NDST3: variants seen among roughly 807,000 people sequenced by gnomAD.
The protein encoded by NDST3 is N-deacetylase and N-sulfotransferase 3, also known as bifunctional heparan sulfate N-deacetylase/N-sulfotransferase 3.
In NDST3, 58 loss-of-function variants were observed where a neutral mutation model predicts 96.1. The observed-to-expected ratio is 0.60, with a 90% CI of 0.49 to 0.75. NDST3 has a LOEUF of 0.75. Ranked by LOEUF, NDST3 falls within the 30% of genes least tolerant of loss-of-function variation. NDST3 has a pLI of 0.00. For synonymous variants in NDST3, 333 were observed against 359.7 expected (o/e 0.93, Z 0.84); for missense variants, 788 against 1,034.2 (o/e 0.76, Z 3.27).
chr4:118,146,293 C>T (rs1181658882), intron 6 of NDST3, among the ~76,000 whole-genome samples: 1 of 152,078 alleles, frequency 6.6e-6, no homozygotes, highest in Admixed American at 6.6e-5. Context: ...ATTAGAAGTG[C>T]CATTTTCTGA....
intron 4 of NDST3, among the ~76,000 whole-genome samples, chr4:118,132,431 G>A (rs1002868876): frequency 7.2e-5 from 11 of 152,100 alleles, no homozygotes; most frequent in African/African-American, 2.4e-4. Flanking sequence ...TGTGGTGAAT[G>A]CTGCCTGGCC....
At chr4:118,156,410 C>T (rs1350370743) in intron 6 of NDST3, among the ~76,000 whole-genome samples, 1 of 152,192 alleles carries the variant, frequency 6.6e-6, no homozygotes, top group Non-Finnish European at 1.5e-5. Flanking sequence ...TCTTTACCTT[C>T]CAGTAATTTT....
chr4:118,131,446 C>T (rs1027100595), intron 4 of NDST3, among the ~76,000 whole-genome samples: 26 of 152,004 alleles, frequency 1.7e-4, no homozygotes, highest in Admixed American at 3.9e-4. Flanking sequence ...GATTCTTTCT[C>T]ATTATTTCAA....
chr4:118,144,425 C>T (rs1429323080), intron 6 of NDST3, among the ~76,000 whole-genome samples: 2 of 152,198 alleles, frequency 1.3e-5, no homozygotes, highest in Non-Finnish European at 2.9e-5. Flanking sequence ...TGTGATCTGC[C>T]TGCCTCAGCC....
At chr4:118,251,312 G>C (rs1177631143) in intron 12 of NDST3, among the ~76,000 whole-genome samples, 1 of 151,324 alleles carries the variant, frequency 6.6e-6, no homozygotes, top group Non-Finnish European at 1.5e-5. Flanking sequence ...ATTTTTAGTA[G>C]AGATGGGGTT....
intron 2 of NDST3, among the ~76,000 whole-genome samples, chr4:118,091,613 T>C (rs1486637863): frequency 6.6e-6 from 1 of 151,682 alleles, no homozygotes; most frequent in Non-Finnish European, 1.5e-5. Context: ...GATTCTCTAC[T>C]CAGGTTCTGG....
chr4:118,144,087 A>C (rs1733766784), intron 6 of NDST3, among the ~76,000 whole-genome samples: 1 of 152,114 alleles, frequency 6.6e-6, no homozygotes, highest in Non-Finnish European at 1.5e-5. Flanking sequence ...AAAATAGTAG[A>C]GGAATTAGGT....
chr4:118,148,409 C>T (rs950756670), intron 6 of NDST3, among the ~76,000 whole-genome samples: 2 of 152,306 alleles, frequency 1.3e-5, no homozygotes, highest in African/African-American at 4.8e-5. Flanking sequence ...CCCACAGAAC[C>T]ATTAGCTAAC....
rs766364702 is a variant in NDST3 at position 118,224,613 on chromosome 4, A to G, written c.1662A>G (p.Pro554=). ...ACCTGCGACTTCAGACTCTGCCTCC[A>G]GTACAACTGGCCCACAAGTATTTTG... ...WTNLRLQTLP[P]VQLAHKYFEL... is the part of the protein sequence containing the mutation. The change falls in exon 7 of 14, where the codon CCA becomes CCG. Residue 554 remains proline (P), a synonymous_variant. Coordinates refer to ENST00000296499, the MANE Select transcript of NDST3 (RefSeq NM_004784.3). 1.9e-6 allele frequency: 3 copies of G among 1,612,088 alleles called. No individual in the cohort carries two copies. Among genetic ancestry groups the G allele is most frequent in the Non-Finnish European group, 2.5e-6 (3 of 1,178,926 alleles).
intron 6 of NDST3, among the ~76,000 whole-genome samples, chr4:118,153,433 A>G (rs1431467004): frequency 1.3e-5 from 2 of 152,240 alleles, no homozygotes; most frequent in African/African-American, 4.8e-5. Flanking sequence ...AGTGGCCAGT[A>G]GCAAAATAAA....
intron 2 of NDST3, among the ~76,000 whole-genome samples, chr4:118,101,694 T>C (rs770143949): frequency 2.0e-5 from 3 of 152,090 alleles, no homozygotes; most frequent in Non-Finnish European, 4.4e-5. Flanking sequence ...ACCTAGATGG[T>C]ATACCCTACT....
chr4:118,062,957 G>A (rs541686478), intron 2 of NDST3, among the ~76,000 whole-genome samples: 14 of 151,996 alleles, frequency 9.2e-5, no homozygotes, highest in African/African-American at 2.2e-4. Flanking sequence ...TTGGGAGGCC[G>A]AGGTGGTCAG....
In NDST3 at chr4:118,258,431, A is replaced by G. The variant is rs1023780230; in HGVS notation, c.*2719A>G. On this transcript the variant is annotated 3_prime_UTR_variant, in exon 14 of 14. Coordinates refer to ENST00000296499, the MANE Select transcript of NDST3 (RefSeq NM_004784.3). ...AGCTTTGTATAGAATTCCCTTTTTCATTGTTTAAAATATGAAACTTCCTCA... is the reference window on the plus strand; with the variant it reads ...AGCTTTGTATAGAATTCCCTTTTTCGTTGTTTAAAATATGAAACTTCCTCA... 1 of 152,154 alleles carries G rather than the reference A, an allele frequency of 6.6e-6. No individual in the cohort carries two copies. Among genetic ancestry groups the G allele is most frequent in the Non-Finnish European group, 1.5e-5 (1 of 68,004 alleles). 9.4% of individuals were successfully genotyped at this position (152,154 alleles called of 1,614,324 possible).
intron 3 of NDST3, among the ~76,000 whole-genome samples, chr4:118,107,286 G>T (rs893618253): frequency 2.0e-5 from 3 of 152,120 alleles, no homozygotes; most frequent in Non-Finnish European, 4.4e-5. Flanking sequence ...TAATTAAAAA[G>T]TTTTTTCACA....
chr4:118,117,999 G>A lies in NDST3; in HGVS notation c.1224+3039G>A, dbSNP rs553015105. Among the ~76,000 whole-genome samples the A allele has an allele frequency of 2.6e-5, 4 of 152,172 alleles. No individual in the cohort carries two copies. The South Asian group carries it at 6.2e-4, about 24-fold the overall frequency. On this transcript the variant is annotated intron_variant, in intron 4 of 13. Coordinates refer to ENST00000296499, the MANE Select transcript of NDST3 (RefSeq NM_004784.3). ...GCAGAGTCTCTAAAATGTTGGAGGG[G>A]GTCGAAGGGGTAGGGGAGACAAAAA...
intron 1 of NDST3, among the ~76,000 whole-genome samples, chr4:118,047,763 A>C (rs1480326799): frequency 6.6e-6 from 1 of 152,232 alleles, no homozygotes; most frequent in Admixed American, 6.5e-5. Context: ...AAGACACCAA[A>C]TTTATGATTC....
intron 10 of NDST3, among the ~76,000 whole-genome samples, chr4:118,237,462 A>G (rs1020239224): frequency 7.4e-6 from 1 of 134,748 alleles, no homozygotes; most frequent in African/African-American, 2.4e-5. Flanking sequence ...CAATAAAAGA[A>G]ACTAAATTAA....
chr4:118,225,806 G>GT (rs2125995323), intron 7 of NDST3, among the ~76,000 whole-genome samples: 1 of 152,290 alleles, frequency 6.6e-6, no homozygotes, highest in African/African-American at 2.4e-5. Flanking sequence ...GCAGGTTAAA[G>GT]TTGGTGGTTG....
intron 12 of NDST3, among the ~76,000 whole-genome samples, chr4:118,248,454 G>A (rs1741461208): frequency 6.6e-6 from 1 of 152,148 alleles, no homozygotes; most frequent in East Asian, 1.9e-4. Context: ...TATCCCAGAT[G>A]ATATTCCACA....
Sources: allele counts gnomAD v4.1 joint callset (sites outside exome capture counted in the v4.1 genomes callset), GRCh38; gene constraint gnomAD v4.1.1; transcripts MANE v1.5; gene names NCBI Gene and HGNC (gene_info 2026-07-23, HGNC 2026-07-21).